Variants in MLLT3 observed in about 807,000 individuals in gnomAD.
MLLT3 encodes the protein MLLT3 super elongation complex subunit.
MLLT3 carries 4 observed loss-of-function variants against 53.2 expected under a neutral mutation model. The ratio of observed to expected loss-of-function variants is 0.08; its 90% CI spans 0.04 to 0.17. MLLT3 has a LOEUF of 0.17. Among genes scored for constraint, MLLT3 ranks in the 10% least tolerant of loss-of-function variants. MLLT3 has a pLI of 1.00. For synonymous variants in MLLT3, 283 were observed against 230.6 expected, an observed-to-expected ratio of 1.23 and a Z score of -2.06; for missense variants, 569 against 684.0, an observed-to-expected ratio of 0.83 and a Z score of 1.87.
chr9:20,435,616 T>C (rs1459312550), intron 4 of MLLT3, among the ~76,000 whole-genome samples: 1 of 152,146 alleles, frequency 6.6e-6, no homozygotes, highest in Non-Finnish European at 1.5e-5. Flanking sequence ...TTTTTGTTTA[T>C]TTATACACTC....
chr9:20,494,029 C>T (rs1342963622), intron 2 of MLLT3, among the ~76,000 whole-genome samples: 2 of 152,056 alleles, frequency 1.3e-5, no homozygotes, highest in Non-Finnish European at 2.9e-5. Flanking sequence ...CAGATAGAAA[C>T]TAACAATAGA....
At chr9:20,531,089 T>C (rs928170439) in intron 2 of MLLT3, among the ~76,000 whole-genome samples, 1 of 151,840 alleles carries the variant, frequency 6.6e-6, no homozygotes, top group African/African-American at 2.4e-5. Context: ...CTTTTTTTTT[T>C]TTTTTTGATA....
intron 2 of MLLT3, among the ~76,000 whole-genome samples, chr9:20,536,080 G>T (rs2119003564): frequency 6.6e-6 from 1 of 152,148 alleles, no homozygotes; most frequent in East Asian, 1.9e-4. Context: ...AGCAGGCAAA[G>T]AGCCAATCAA....
chr9:20,447,994 G>C (rs1227874633), intron 4 of MLLT3, 129 bp downstream of exon 4: 3 of 927,752 alleles, frequency 3.2e-6, no homozygotes, highest in Non-Finnish European at 4.8e-6. Flanking sequence ...AGCCATTAAG[G>C]TACATCATTT....
chr9:20,504,501 A>G (rs749618118), intron 2 of MLLT3, among the ~76,000 whole-genome samples: 1 of 152,186 alleles, frequency 6.6e-6, no homozygotes, highest in Non-Finnish European at 1.5e-5. Flanking sequence ...ACACAGAAAG[A>G]CAAATAATCA....
intron 5 of MLLT3, among the ~76,000 whole-genome samples, chr9:20,388,357 G>A (rs952676359): frequency 1.1e-4 from 16 of 152,192 alleles, no homozygotes; most frequent in Non-Finnish European, 2.2e-4. Context: ...AGGAGGCTGA[G>A]GCGTGCAGAT....
At chr9:20,534,767 T>C (rs112563635) in intron 2 of MLLT3, among the ~76,000 whole-genome samples, 4,266 of 151,984 alleles carry the variant, frequency 0.028, 216 homozygotes, top group African/African-American at 0.096. Context: ...GCGCCTATAA[T>C]CCCAGCAACT....
chr9:20,609,276 T>C (rs1820642956), intron 2 of MLLT3, among the ~76,000 whole-genome samples: 1 of 152,124 alleles, frequency 6.6e-6, no homozygotes, highest in South Asian at 2.1e-4. Flanking sequence ...AGAAAAGTAC[T>C]TGCTTTTCAA....
At position 20,476,476 on chromosome 9, in the gene MLLT3, T is replaced by A. The variant is rs1419072754; in HGVS notation, c.194-19690A>T. On this transcript the variant is annotated intron_variant, in intron 2 of 10. Transcript: ENST00000380338. ...CATTACAGTGTGTAAATTTAAGTTA[T>A]ATCAGTCACTTGTAAAATACTGCCA... Among the ~76,000 whole-genome samples the A allele has an allele frequency of 2.0e-5, 3 of 152,166 alleles. No individual in the cohort carries two copies. The East Asian group carries it at 5.8e-4, about 29-fold the overall frequency.
chr9:20,384,956 G>T (rs1821997898), intron 5 of MLLT3, among the ~76,000 whole-genome samples: 1 of 151,984 alleles, frequency 6.6e-6, no homozygotes, highest in Non-Finnish European at 1.5e-5. Flanking sequence ...TAGATTATCT[G>T]GTCTTTCCCT....
rs1414386272 is a variant in MLLT3, at chr9:20,342,186, T to C, written c.*4257A>G. Reference sequence around the variant, plus strand: ...AATGACTCTCAGCAAATCAGTACAATTATACATTTTAAAAAAGGTGCTGAA... The same window carrying C: ...AATGACTCTCAGCAAATCAGTACAACTATACATTTTAAAAAAGGTGCTGAA... On this transcript the variant is annotated 3_prime_UTR_variant, in exon 11 of 11. Transcript: ENST00000380338. The C allele has an allele frequency of 4.6e-6, 1 of 217,584 alleles. No individual in the cohort carries two copies. Among genetic ancestry groups the C allele is most frequent in the Non-Finnish European group, 9.2e-6 (1 of 108,264 alleles). The allele number at this position is 217,584 out of a possible 1,614,324, so 13.5% of individuals were successfully genotyped here.
intron 4 of MLLT3, among the ~76,000 whole-genome samples, chr9:20,442,912 G>A (rs1271295499): frequency 1.3e-5 from 2 of 152,134 alleles, no homozygotes; most frequent in Non-Finnish European, 2.9e-5. Flanking sequence ...CCAAATGGGC[G>A]TCTGAAATGT....
intron 2 of MLLT3, among the ~76,000 whole-genome samples, chr9:20,540,366 C>A (rs985351080): frequency 4.6e-5 from 7 of 152,252 alleles, no homozygotes; most frequent in African/African-American, 1.2e-4. Flanking sequence ...GTGGCCTCCA[C>A]CCTTCCAGCA....
intron 2 of MLLT3, among the ~76,000 whole-genome samples, chr9:20,545,829 G>T (rs900993714): frequency 7.3e-6 from 1 of 136,774 alleles, no homozygotes; most frequent in Non-Finnish European, 1.6e-5. Context: ...GACTAGCCTG[G>T]GAAATAAAGT....
chr9:20,424,938 C>T (rs565915084), intron 4 of MLLT3, among the ~76,000 whole-genome samples: 83 of 152,194 alleles, frequency 5.5e-4, no homozygotes, highest in African/African-American at 1.9e-3. Flanking sequence ...GCAATGTGGC[C>T]GGGCACAAAG....
chr9:20,467,578 A>T (rs1824267815), intron 2 of MLLT3, among the ~76,000 whole-genome samples: 2 of 152,246 alleles, frequency 1.3e-5, no homozygotes, highest in African/African-American at 4.8e-5. Flanking sequence ...CTCCATCTCA[A>T]AAAATAAAAT....
chr9:20,610,741 T>G (rs964097929), intron 2 of MLLT3, among the ~76,000 whole-genome samples: 3 of 152,112 alleles, frequency 2.0e-5, no homozygotes, highest in Admixed American at 6.5e-5. Context: ...AAGGGAGTGT[T>G]GGTCTAATGA....
intron 2 of MLLT3, among the ~76,000 whole-genome samples, chr9:20,485,227 G>C (rs1824777720): frequency 6.6e-6 from 1 of 152,134 alleles, no homozygotes; most frequent in Non-Finnish European, 1.5e-5. Context: ...GACCTCAGGT[G>C]ATCCGCCCGC....
chr9:20,605,526 C>CA (rs1820541314), intron 2 of MLLT3, among the ~76,000 whole-genome samples: 1 of 152,016 alleles, frequency 6.6e-6, no homozygotes, highest in African/African-American at 2.4e-5. Context: ...AAAATAATTT[C>CA]AAACTAAGTT....
Sources: gnomAD v4.1 joint callset for allele counts (sites outside exome capture counted in the v4.1 genomes callset) on GRCh38, gnomAD v4.1.1 for gene constraint, MANE v1.5 for transcripts, NCBI Gene and HGNC (gene_info 2026-07-23, HGNC 2026-07-21) for gene names.